PCDHA2: variants seen among roughly 807,000 people sequenced by gnomAD.
The protein encoded by PCDHA2 is protocadherin alpha 2.
A neutral mutation model predicts 66.0 loss-of-function variants in PCDHA2; 58 were observed. That is an observed-to-expected ratio of 0.88 (90% CI 0.71 to 1.09). The LOEUF (loss-of-function observed/expected upper bound fraction) is 1.09, where lower values mean the gene tolerates loss of function less well. Ranked by LOEUF, PCDHA2 falls within the 50% of genes least tolerant of loss-of-function variation. The pLI is 0.00. For synonymous variants in PCDHA2, 634 were observed against 554.0 expected (o/e 1.14, Z -2.03); for missense variants, 1,267 against 1,242.3 (o/e 1.02, Z -0.30).
At chr5:140,828,665 A>C (rs2150157760) in intron 1 of PCDHA2, 1 of 1,614,220 alleles carries the variant, frequency 6.2e-7, no homozygotes, top group Admixed American at 1.7e-5. Context: ...CAATAAACAA[A>C]TTGGGCTCTT....
Position 140,802,920 on chromosome 5 carries a change from G to T in PCDHA2, c.2388+5568G>T, listed in dbSNP as rs145535421. On this transcript the variant is annotated intron_variant, in intron 1 of 3. Coordinates refer to ENST00000526136, the MANE Select transcript of PCDHA2 (RefSeq NM_018905.3). ...GATGCCTCGGGTGGGTGGCATCGGT[G>T]GCGCAGTGAGCGAGCTGGTGCCGCG... The T allele has an allele frequency of 1.3e-5, 21 of 1,613,690 alleles. No homozygotes were observed. The highest frequency in any genetic ancestry group is 1.6e-5 in the Non-Finnish European group (19 of 1,179,890).
chr5:140,840,228 G>A (rs1554137738), intron 1 of PCDHA2, among the ~76,000 whole-genome samples: 1 of 152,042 alleles, frequency 6.6e-6, no homozygotes, highest in African/African-American at 2.4e-5. Flanking sequence ...ATGAGTAAAT[G>A]TGGAGAATCA....
At chr5:140,848,181 G>A (rs1434722378) in intron 1 of PCDHA2, 4 of 268,526 alleles carry the variant, frequency 1.5e-5, no homozygotes, top group Admixed American at 1.5e-4. Context: ...CAAGAGAAAC[G>A]GGATCTTCTG....
chr5:140,876,408 G>C (rs781814727), intron 1 of PCDHA2: 1 of 1,613,942 alleles, frequency 6.2e-7, no homozygotes, highest in South Asian at 1.1e-5. Flanking sequence ...ATTTTGAAGA[G>C]AATAATGCCT....
chr5:140,856,541 G>T lies in PCDHA2; in HGVS notation c.2388+59189G>T, dbSNP rs1554148841. 5.0e-6 allele frequency: 8 copies of T among 1,598,164 alleles called. 2 individuals carry two copies. Among genetic ancestry groups the T allele is most frequent in the South Asian group, 4.4e-5 (4 of 90,522 alleles). On this transcript the variant is annotated intron_variant, in intron 1 of 3. Transcript: ENST00000526136. ...ATCTGATGCGGATGTTGGAGAGAAC[G>T]CATTGCTTACTTACAAACTCAGTCC...
intron 1 of PCDHA2, chr5:140,877,042 G>C: frequency 6.2e-7 from 1 of 1,612,636 alleles, no homozygotes; most frequent in Non-Finnish European, 8.5e-7. Context: ...GCAGCCGCTA[G>C]ACCACGAGGA....
chr5:140,984,964 G>C (rs930753325), intron 3 of PCDHA2, among the ~76,000 whole-genome samples: 1 of 151,818 alleles, frequency 6.6e-6, no homozygotes, highest in Non-Finnish European at 1.5e-5. Context: ...TTGAGACAGA[G>C]TCTCGCTCTG....
intron 1 of PCDHA2, chr5:140,929,432 T>C: frequency 1.4e-6 from 2 of 1,474,372 alleles, no homozygotes; most frequent in Non-Finnish European, 1.8e-6. Flanking sequence ...TCAATTGAAC[T>C]AAACACTCCT....
At chr5:140,970,854 T>TG (rs1554232785) in intron 1 of PCDHA2, among the ~76,000 whole-genome samples, 1 of 152,148 alleles carries the variant, frequency 6.6e-6, no homozygotes, top group Non-Finnish European at 1.5e-5. Context: ...GCACAAAAGT[T>TG]CCATTCCTGA....
At chr5:140,969,064 C>T (rs2096292525) in intron 1 of PCDHA2, 1 of 1,614,136 alleles carries the variant, frequency 6.2e-7, no homozygotes, top group Non-Finnish European at 8.5e-7. Context: ...ATATTGATGC[C>T]AGGATACCGC....
At chr5:140,941,019 C>T (rs569905763) in intron 1 of PCDHA2, among the ~76,000 whole-genome samples, 4 of 152,142 alleles carry the variant, frequency 2.6e-5, no homozygotes, top group East Asian at 1.9e-4. Context: ...TCCTATTTTC[C>T]TTCTGGCCTT....
intron 1 of PCDHA2, among the ~76,000 whole-genome samples, chr5:140,893,581 T>C (rs1224207477): frequency 1.3e-5 from 2 of 152,216 alleles, no homozygotes; most frequent in African/African-American, 4.8e-5. Context: ...TTTTTGCTTG[T>C]TTGGGAAATA....
At chr5:140,834,917 C>A in intron 1 of PCDHA2, 2 of 1,590,474 alleles carry the variant, frequency 1.3e-6, no homozygotes, top group Non-Finnish European at 1.7e-6. Flanking sequence ...ATGAGTATTT[C>A]TTCCTGGACG....
At chr5:140,871,911 A>G (rs2053380850) in intron 1 of PCDHA2, among the ~76,000 whole-genome samples, 1 of 152,196 alleles carries the variant, frequency 6.6e-6, no homozygotes, top group Non-Finnish European at 1.5e-5. Flanking sequence ...TTTTGCCTTG[A>G]TATTTCCACA....
At chr5:140,910,013 C>T (rs185824848) in intron 1 of PCDHA2, among the ~76,000 whole-genome samples, 4 of 152,256 alleles carry the variant, frequency 2.6e-5, no homozygotes, top group Non-Finnish European at 1.5e-5. Context: ...CAGTGTCATC[C>T]TTGTATCCCT....
chr5:140,851,794 T>C (rs2042159593), intron 1 of PCDHA2: 2 of 954,372 alleles, frequency 2.1e-6, no homozygotes. Flanking sequence ...ATTCACTTGT[T>C]CTGTCAGTAA....
chr5:140,943,465 G>C (rs1332571516), intron 1 of PCDHA2, among the ~76,000 whole-genome samples: 3 of 152,022 alleles, frequency 2.0e-5, no homozygotes, highest in African/African-American at 7.2e-5. Context: ...CTAAATGTGG[G>C]AGATACAGTA....
At chr5:140,868,823 G>A (rs576498570) in intron 1 of PCDHA2, 4 of 397,532 alleles carry the variant, frequency 1.0e-5, no homozygotes, top group South Asian at 6.7e-5. Context: ...ATATTTGGGG[G>A]AAGAAACCCA....
intron 1 of PCDHA2, chr5:140,828,611 T>C: frequency 6.2e-7 from 1 of 1,614,202 alleles, no homozygotes; most frequent in Non-Finnish European, 8.5e-7. Flanking sequence ...TAAACTCAGT[T>C]CTAGCGAATA....
Sources: allele counts gnomAD v4.1 joint callset (sites outside exome capture counted in the v4.1 genomes callset), GRCh38; gene constraint gnomAD v4.1.1; transcripts MANE v1.5; gene names NCBI Gene and HGNC (gene_info 2026-07-23, HGNC 2026-07-21).